The following ZNF276 variants were observed in gnomAD, a reference collection of about 807,000 sequenced individuals.
The protein encoded by ZNF276 is zinc finger protein 276, also known as centromere protein Z.
ZNF276 carries 59 observed loss-of-function variants against 63.9 expected under a neutral mutation model. That is an observed-to-expected ratio of 0.92 (90% CI 0.75 to 1.15). ZNF276 has a LOEUF of 1.15. ZNF276 is among the 50% of genes most tolerant of loss of function. The pLI, the probability that ZNF276 is intolerant of heterozygous loss-of-function variation, is 0.00. For synonymous variants in ZNF276, 496 were observed against 348.4 expected (o/e 1.42, Z -4.72); for missense variants, 1,084 against 843.8 (o/e 1.28, Z -3.53).
At position 89,734,019 on chromosome 16, in the gene ZNF276, C is replaced by T. The variant is rs759839920; in HGVS notation, c.1455C>T (p.His485=). 1.1e-5 allele frequency: 18 copies of T among 1,613,942 alleles called. No homozygotes were observed. Among genetic ancestry groups the T allele is most frequent in the South Asian group, 4.4e-5 (4 of 91,086 alleles). The part of the protein sequence containing the change: ...VFMIDRYLQR[H]VKLIHTEVRN... ...TGATCGACCGCTACCTGCAGCGCCA[C>T]GTGAAGCTCATCCACACAGGTACGC... The change falls in exon 9 of 11, where the codon CAC becomes CAT. Residue 485 remains histidine (H), a synonymous_variant. Transcript: ENST00000443381.
Position 89,723,390 on chromosome 16 carries a change from G to C in ZNF276, c.687G>C (p.Gln229His). ...CCTCCGAGTACTGCGGCGTCATCCAGGTCGTGTGGGGCTGCGACCAGGGCC... is the reference window on the plus strand; with the variant it reads ...CCTCCGAGTACTGCGGCGTCATCCACGTCGTGTGGGGCTGCGACCAGGGCC... ...TLSSEYCGVI[Q>H]VVWGCDQGHD... The change falls in exon 4 of 11, where the codon CAG becomes CAC. Residue 229 changes from glutamine to histidine, a missense_variant. Physicochemically the swap from Gln to His is conservative, Grantham distance 24. Transcript: ENST00000443381. 2.5e-6 allele frequency: 4 copies of C among 1,613,064 alleles called. No individual in the cohort carries two copies. In the South Asian group the frequency reaches 4.4e-5, roughly 18 times the overall value.
rs781666183 is a variant in ZNF276, at chr16:89,737,829, G to C, written c.1498G>C (p.Glu500Gln). The C allele has an allele frequency of 1.7e-5, 27 of 1,614,056 alleles. No individual in the cohort carries two copies. Among genetic ancestry groups the C allele is most frequent in the Non-Finnish European group, 2.1e-5 (25 of 1,180,054 alleles). ...HTEVRNYICDECGQTFKQRKH... is the reference protein window; with the variant it reads ...HTEVRNYICDQCGQTFKQRKH... ...AGAGGTGCGGAACTATATCTGTGAC[G>C]AATGTGGACAAACCTTCAAGCAGCG... The change falls in exon 10 of 11, where the codon GAA becomes CAA. Residue 500 changes from glutamate (E) to glutamine (Q), a missense_variant. Coordinates refer to ENST00000443381, the MANE Select transcript of ZNF276 (RefSeq NM_001113525.2).
intron 6 of ZNF276, chr16:89,731,968 C>T (rs2061668490): frequency 6.6e-6 from 1 of 152,218 alleles, no homozygotes; most frequent in Admixed American, 6.5e-5. Context: ...CAGTGCTGCC[C>T]TGAGAGCAGT....
In ZNF276 at chr16:89,733,525, A is replaced by C. The variant is rs759479080; in HGVS notation, c.1324A>C (p.Thr442Pro). ...TIYKCPYQGC[T>P]AVYRGADGMK... is the part of the protein sequence containing the mutation. ...CTACAAGTGTCCTTACCAGGGCTGC[A>C]CGGCCGTGTACCGAGGCGCTGACGG... Residue 442 changes from threonine to proline, a missense_variant, in exon 8 of 11, where the codon ACG becomes CCG. Coordinates refer to ENST00000443381, the MANE Select transcript of ZNF276 (RefSeq NM_001113525.2). 5.8e-5 allele frequency: 94 copies of C among 1,614,006 alleles called. No individual in the cohort carries two copies. In the South Asian group the frequency reaches 9.1e-4, roughly 16 times the overall value.
At chr16:89,728,174 C>T (rs1025834692) in intron 5 of ZNF276, among the ~76,000 whole-genome samples, 2 of 149,348 alleles carry the variant, frequency 1.3e-5, no homozygotes, top group African/African-American at 5.0e-5. Flanking sequence ...AAAACCGCAG[C>T]TGAGGTTATA....
chr16:89,723,847 T>C (rs1465177119), intron 4 of ZNF276, 138 bp downstream of exon 4: 5 of 984,308 alleles, frequency 5.1e-6, no homozygotes, highest in Non-Finnish European at 5.8e-6. Context: ...GCTTGGGGCT[T>C]CTGCCTGCGG....
At chr16:89,737,044 C>T (rs1453707990) in intron 9 of ZNF276, among the ~76,000 whole-genome samples, 1 of 152,132 alleles carries the variant, frequency 6.6e-6, no homozygotes, top group Non-Finnish European at 1.5e-5. Context: ...CCACATGTGG[C>T]ATTTGTGGAC....
chr16:89,734,587 G>C (rs1241819248), intron 9 of ZNF276, among the ~76,000 whole-genome samples: 1 of 152,160 alleles, frequency 6.6e-6, no homozygotes, highest in Admixed American at 6.5e-5. Context: ...CCAAAGTGCA[G>C]AGATTACAGG....
intron 4 of ZNF276, among the ~76,000 whole-genome samples, chr16:89,724,464 T>C (rs957060890): frequency 2.0e-5 from 3 of 152,138 alleles, no homozygotes; most frequent in Admixed American, 6.5e-5. Context: ...CTGGCCAACA[T>C]AGCGAAACCC....
At chr16:89,735,987 G>A (rs1362524549) in intron 9 of ZNF276, among the ~76,000 whole-genome samples, 2 of 151,846 alleles carry the variant, frequency 1.3e-5, no homozygotes, top group Non-Finnish European at 2.9e-5. Context: ...CTCTTCCTGG[G>A]GTAAAGCCAT....
In ZNF276 at chr16:89,738,406, C is replaced by T; in HGVS notation, c.*160C>T. On this transcript the variant is annotated 3_prime_UTR_variant, in exon 11 of 11. Transcript: ENST00000443381. ...CCGGCTCAAGTAGCCTTCCTCTGCTCTGGGACCAGTGGTTTATTTTCCCGC... is the reference window on the plus strand; with the variant it reads ...CCGGCTCAAGTAGCCTTCCTCTGCTTTGGGACCAGTGGTTTATTTTCCCGC... 7 of 1,378,100 alleles carry T rather than the reference C, an allele frequency of 5.1e-6. No individual in the cohort carries two copies. The South Asian group carries it at 5.4e-5, about 11-fold the overall frequency. The allele number at this position is 1,378,100 out of a possible 1,614,324, so 85.4% of individuals were successfully genotyped here. A position where few individuals can be genotyped will look rare whatever the true frequency, so the allele number is the denominator to read the frequency against.
At chr16:89,726,344 G>GC (rs2061469733) in intron 4 of ZNF276, among the ~76,000 whole-genome samples, 1 of 152,130 alleles carries the variant, frequency 6.6e-6, no homozygotes, top group Non-Finnish European at 1.5e-5. Flanking sequence ...TTACAGGCAT[G>GC]CACCACTATG....
At position 89,738,237 on chromosome 16, in the gene ZNF276, A is replaced by C. The variant is rs1354465357; in HGVS notation, c.1836A>C (p.Glu612Asp). ...CAGAGGGCCAGGCGGTGAAGCCCGA[A>C]CCCACCTGAGGACGGCAGTGAGGAT... ...VTTEGQAVKP[E>D]PT The change falls in exon 11 of 11, where the codon GAA becomes GAC. Residue 612 changes from glutamate to aspartate, a missense_variant. By Grantham distance (45) the Glu-to-Asp change is conservative. Coordinates refer to ENST00000443381, the MANE Select transcript of ZNF276 (RefSeq NM_001113525.2). The C allele has an allele frequency of 6.2e-7, 1 of 1,603,206 alleles. No homozygotes were observed. Among genetic ancestry groups the C allele is most frequent in the Non-Finnish European group, 8.5e-7 (1 of 1,175,574 alleles).
In ZNF276 at chr16:89,738,387, C is replaced by T; in HGVS notation, c.*141C>T. ...CTGGAGGCGGGCTTGGTGTCCGGCT[C>T]AAGTAGCCTTCCTCTGCTCTGGGAC... On this transcript the variant is annotated 3_prime_UTR_variant, in exon 11 of 11. Transcript: ENST00000443381. 1.4e-6 allele frequency: 2 copies of T among 1,403,766 alleles called. No individual in the cohort carries two copies. Among genetic ancestry groups the T allele is most frequent in the East Asian group, 2.5e-5 (1 of 40,104 alleles). The allele number at this position is 1,403,766 out of a possible 1,614,324, so 87.0% of individuals were successfully genotyped here.
Position 89,723,513 on chromosome 16 carries a change from G to C in ZNF276, c.810G>C (p.Arg270=), listed in dbSNP as rs201594480. The C allele has an allele frequency of 4.3e-6, 7 of 1,612,742 alleles. No individual in the cohort carries two copies. Among genetic ancestry groups the C allele is most frequent in the Non-Finnish European group, 5.9e-6 (7 of 1,179,980 alleles). The part of the protein sequence containing the change: ...KWPWDKETAP[R]LPQHRGWNPG... ...CATGGGACAAAGAGACGGCGCCACG[G>C]CTGCCCCAGCACCGAGGGTGGAACC... The change falls in exon 4 of 11, where the codon CGG becomes CGC. Residue 270 remains arginine (R), a synonymous_variant. Transcript: ENST00000443381.
Position 89,733,376 on chromosome 16 carries a change from C to T in ZNF276, c.1244C>T (p.Pro415Leu), listed in dbSNP as rs763778788. Residue 415 changes from proline (P) to leucine (L), a missense_variant, in exon 7 of 11, where the codon CCC (proline) becomes CTC (leucine). Coordinates refer to ENST00000443381, the MANE Select transcript of ZNF276 (RefSeq NM_001113525.2). ...CCAAGAATTCGGAAGAAGCCGGGACCCAAGCCCGGATGGAAGAAGAAGCTT... is the reference window on the plus strand; with the variant it reads ...CCAAGAATTCGGAAGAAGCCGGGACTCAAGCCCGGATGGAAGAAGAAGCTT... The part of the protein sequence containing the change: ...EEPRIRKKPG[P>L]KPGWKKKLRC... 6.2e-7 allele frequency: 1 copy of T among 1,614,142 alleles called. No individual in the cohort carries two copies. The highest frequency in any genetic ancestry group is 1.1e-5 in the South Asian group (1 of 91,082).
At position 89,739,764 on chromosome 16, in the gene ZNF276, G is replaced by T; in HGVS notation, c.*1518G>T. The T allele has an allele frequency of 6.8e-7, 1 of 1,476,972 alleles. No homozygotes were observed. Among genetic ancestry groups the T allele is most frequent in the Non-Finnish European group, 8.9e-7 (1 of 1,117,532 alleles). The allele number at this position is 1,476,972 out of a possible 1,614,324, so 91.5% of individuals were successfully genotyped here. A position where few individuals can be genotyped will look rare whatever the true frequency, so the allele number is the denominator to read the frequency against. On this transcript the variant is annotated 3_prime_UTR_variant, in exon 11 of 11. Transcript: ENST00000443381. The stretch of plus-strand genomic sequence containing the variant: ...CCTCTTGCAGGAGGGTGGGTGTGGT[G>T]CAGAGAGAGGCAGTCCCCATGATAG...
At position 89,740,202 on chromosome 16, in the gene ZNF276, A is replaced by AT; in HGVS notation, c.*1958dup. The stretch of plus-strand genomic sequence containing the variant: ...AGAAGAGGGCATTTCCTCTTTGCTT[A>AT]TTGTAAGTCTTAAAACTGGTGACAG... On this transcript the variant is annotated 3_prime_UTR_variant, in exon 11 of 11. Coordinates refer to ENST00000443381, the MANE Select transcript of ZNF276 (RefSeq NM_001113525.2). 1.1e-6 allele frequency: 1 copy of AT among 948,308 alleles called. No homozygotes were observed. The highest frequency in any genetic ancestry group is 1.7e-6 in the Non-Finnish European group (1 of 575,576). The allele number at this position is 948,308 out of a possible 1,614,324, so 58.7% of individuals were successfully genotyped here. A position where few individuals can be genotyped will look rare whatever the true frequency, so the allele number is the denominator to read the frequency against.
Position 89,733,966 on chromosome 16 carries a change from C to G in ZNF276, c.1402C>G (p.Pro468Ala), listed in dbSNP as rs1337063584. ...CGAGGAGGTCCGGGAGCGGCCCTGC[C>G]CCCACCCTGGCTGCAACAAGGTTTT... Reference protein sequence around the residue: ...HHEEVRERPCPHPGCNKVFMI... With the variant: ...HHEEVRERPCAHPGCNKVFMI... Residue 468 changes from proline (P) to alanine (A), a missense_variant, in exon 9 of 11, where the codon CCC (proline) becomes GCC (alanine). By Grantham distance (27) the Pro-to-Ala change is conservative. Transcript: ENST00000443381. The G allele has an allele frequency of 6.2e-7, 1 of 1,614,032 alleles. No individual in the cohort carries two copies. The highest frequency in any genetic ancestry group is 2.2e-5 in the East Asian group (1 of 44,876).
Sources: gnomAD v4.1 joint callset for allele counts (sites outside exome capture counted in the v4.1 genomes callset) on GRCh38, gnomAD v4.1.1 for gene constraint, MANE v1.5 for transcripts, NCBI Gene and HGNC (gene_info 2026-07-23, HGNC 2026-07-21) for gene names.